Variants in ADAMTSL1 observed in about 807,000 individuals in gnomAD.
The protein encoded by ADAMTSL1 is ADAMTS-like protein 1.
A neutral mutation model predicts 201.8 loss-of-function variants in ADAMTSL1; 126 were observed. The observed-to-expected ratio is 0.62, with a 90% CI of 0.54 to 0.72. The LOEUF is 0.72. Ranked by LOEUF, ADAMTSL1 falls within the 30% of genes least tolerant of loss-of-function variation. The probability of loss-of-function intolerance (pLI) is 0.00; values close to 1 mark genes in which losing one functional copy is unlikely to be tolerated. For missense variants in ADAMTSL1, 2,679 were observed against 2,277.8 expected (o/e 1.18, Z -3.59); for synonymous variants, 1,121 against 903.4 (o/e 1.24, Z -4.32).
intron 23 of ADAMTSL1, among the ~76,000 whole-genome samples, chr9:18,882,344 T>C (rs1347937245): frequency 4.6e-5 from 7 of 152,312 alleles, no homozygotes; most frequent in South Asian, 2.1e-4. Flanking sequence ...CCTTTTTTTT[T>C]CCTTCAAAGT....
chr9:18,702,422 C>G (rs144739832), intron 13 of ADAMTSL1, among the ~76,000 whole-genome samples: 229 of 152,268 alleles, frequency 1.5e-3, no homozygotes, highest in African/African-American at 5.2e-3. Flanking sequence ...GCTTCTAACT[C>G]TATACTAGTC....
chr9:18,734,171 G>C (rs138561115), intron 15 of ADAMTSL1, among the ~76,000 whole-genome samples: 1 of 152,164 alleles, frequency 6.6e-6, no homozygotes, highest in African/African-American at 2.4e-5. Flanking sequence ...TGTGTTAAGC[G>C]CTTAGCACAG....
chr9:18,085,605 C>G (rs1470839571), intron 1 of ADAMTSL1, among the ~76,000 whole-genome samples: 3 of 142,676 alleles, frequency 2.1e-5, no homozygotes, highest in South Asian at 4.3e-4. Flanking sequence ...CGTATATACA[C>G]TGTGTGTGTA....
chr9:18,409,646 G>A (rs888165848), intron 2 of ADAMTSL1, among the ~76,000 whole-genome samples: 6 of 150,462 alleles, frequency 4.0e-5, no homozygotes, highest in African/African-American at 1.5e-4. Flanking sequence ...TCTTTTCCTA[G>A]TTCTATTATT....
chr9:18,582,811 T>C (rs1823190777), intron 4 of ADAMTSL1, among the ~76,000 whole-genome samples: 1 of 151,536 alleles, frequency 6.6e-6, no homozygotes, highest in South Asian at 2.1e-4. Context: ...ATTGCACCAC[T>C]GCACTCCAGC....
rs914253116 is a variant in ADAMTSL1 at position 18,044,459 on chromosome 9, G to A, written c.88-119403G>A. ...GGAGAGGATATGAGTTGTAAGTTTG[G>A]GACCAGTCTTCATAACTCTTGGCCT... On this transcript the variant is annotated intron_variant, in intron 1 of 29. Coordinates refer to the ADAMTSL1 transcript ENST00000680146. Among the ~76,000 whole-genome samples the A allele has an allele frequency of 2.0e-5, 3 of 152,098 alleles. No individual in the cohort carries two copies. The South Asian group carries it at 6.2e-4, about 32-fold the overall frequency.
rs1564015344 is a variant in ADAMTSL1 at position 18,521,909 on chromosome 9, C to T, written c.192-11338C>T. Among the ~76,000 whole-genome samples the T allele has an allele frequency of 2.6e-5, 4 of 152,214 alleles. No homozygotes were observed. The South Asian group carries it at 8.3e-4, about 32-fold the overall frequency. Reference sequence around the variant, plus strand: ...TTGTCATCTAACTCCTCTTTCTCTCCCATGTGAGGTAAGACCACAAGTAAC... The same window carrying T: ...TTGTCATCTAACTCCTCTTTCTCTCTCATGTGAGGTAAGACCACAAGTAAC... On this transcript the variant is annotated intron_variant, in intron 2 of 28. Transcript: ENST00000380548.
chr9:18,270,665 C>A (rs1320876160), intron 2 of ADAMTSL1, among the ~76,000 whole-genome samples: 1 of 152,132 alleles, frequency 6.6e-6, no homozygotes, highest in Non-Finnish European at 1.5e-5. Flanking sequence ...TAACCTTAAA[C>A]ATATATACTT....
In ADAMTSL1 at chr9:18,894,538, A is replaced by T. The variant is rs781767348; in HGVS notation, c.4851+1942A>T. 2.0e-5 allele frequency among the ~76,000 whole-genome samples: 3 copies of T among 152,042 alleles called. No individual in the cohort carries two copies. In the East Asian group the frequency reaches 5.8e-4, roughly 29 times the overall value. On this transcript the variant is annotated intron_variant, in intron 26 of 28. Transcript: ENST00000380548. ...GTGATTCGCATGGCTTCCATGATCC[A>T]TTGGATATGAGGGATGAGAGAAAGG...
chr9:18,643,685 G>A (rs1178013625), intron 7 of ADAMTSL1, among the ~76,000 whole-genome samples: 2 of 151,822 alleles, frequency 1.3e-5, no homozygotes, highest in African/African-American at 2.4e-5. Flanking sequence ...AAAATCAATT[G>A]GCCTTAAATT....
Position 18,826,435 on chromosome 9 carries a change from G to A in ADAMTSL1, c.4086G>A (p.Leu1362=), listed in dbSNP as rs776344217. 1.2e-6 allele frequency: 2 copies of A among 1,613,674 alleles called. No homozygotes were observed. The highest frequency in any genetic ancestry group is 1.7e-6 in the Non-Finnish European group (2 of 1,179,806). Residue 1362 remains leucine (L), a synonymous_variant, in exon 22 of 29, where the codon CTG becomes CTA. Coordinates refer to ENST00000380548, the MANE Select transcript of ADAMTSL1 (RefSeq NM_001040272.6). ...GGGCGGCCAATCTTCATGGAGAGCTGACTGAGAGCACCCAGCTGCTGATCC... is the reference window on the plus strand; with the variant it reads ...GGGCGGCCAATCTTCATGGAGAGCTAACTGAGAGCACCCAGCTGCTGATCC... ...SCRAANLHGE[L]TESTQLLILD... is the part of the protein sequence containing the mutation.
In ADAMTSL1 at chr9:17,975,700, A is replaced by G. The variant is rs1053736961; in HGVS notation, c.87+68778A>G. The stretch of plus-strand genomic sequence containing the variant: ...TAGGCCATTTTGTTGATTGATTCCT[A>G]TGCTGCACAGAAATTTTTTAGTTTG... On this transcript the variant is annotated intron_variant, in intron 1 of 29. Coordinates refer to the ADAMTSL1 transcript ENST00000680146. Among the ~76,000 whole-genome samples, 10 of 152,070 alleles carry G rather than the reference A, an allele frequency of 6.6e-5. No homozygotes were observed. In the East Asian group the frequency reaches 1.5e-3, roughly 24 times the overall value.
intron 2 of ADAMTSL1, among the ~76,000 whole-genome samples, chr9:18,311,370 T>C (rs773878141): frequency 3.3e-5 from 5 of 152,034 alleles, no homozygotes; most frequent in Non-Finnish European, 7.4e-5. Flanking sequence ...AGTATAATCC[T>C]TCAGAATGAT....
At chr9:18,376,525 C>T (rs894000806) in intron 2 of ADAMTSL1, among the ~76,000 whole-genome samples, 4 of 152,296 alleles carry the variant, frequency 2.6e-5, no homozygotes, top group African/African-American at 7.2e-5. Context: ...AGACTTAGGG[C>T]CCGGGGCGGT....
intron 23 of ADAMTSL1, among the ~76,000 whole-genome samples, chr9:18,855,584 G>A (rs1034100090): frequency 1.4e-4 from 21 of 152,046 alleles, no homozygotes; most frequent in Non-Finnish European, 1.9e-4. Context: ...TTAAGAGTTC[G>A]AACTCTTTTA....
chr9:18,813,573 T>C (rs542543525), intron 20 of ADAMTSL1, among the ~76,000 whole-genome samples: 8 of 152,248 alleles, frequency 5.3e-5, no homozygotes, highest in Non-Finnish European at 1.0e-4. Context: ...AGGGGTTTTT[T>C]GTAGCTATTG....
chr9:17,975,416 A>G (rs1430067110), intron 1 of ADAMTSL1, among the ~76,000 whole-genome samples: 4 of 152,036 alleles, frequency 2.6e-5, no homozygotes, highest in East Asian at 1.9e-4. Flanking sequence ...TCTCTGATTC[A>G]TAAATGTCAT....
At chr9:18,568,323 G>C (rs1399832605) in intron 3 of ADAMTSL1, among the ~76,000 whole-genome samples, 1 of 152,116 alleles carries the variant, frequency 6.6e-6, no homozygotes, top group Non-Finnish European at 1.5e-5. Flanking sequence ...ACCAAAATAT[G>C]TAAAAGAGGC....
intron 2 of ADAMTSL1, among the ~76,000 whole-genome samples, chr9:18,178,996 C>T (rs1203905949): frequency 6.6e-6 from 1 of 152,240 alleles, no homozygotes; most frequent in Admixed American, 6.5e-5. Context: ...GAACGCAGTT[C>T]CTCACCAGCA....
Sources: allele counts gnomAD v4.1 joint callset (sites outside exome capture counted in the v4.1 genomes callset), GRCh38; gene constraint gnomAD v4.1.1; transcripts MANE v1.5; gene names NCBI Gene and HGNC (gene_info 2026-07-23, HGNC 2026-07-21).